The following EDNRA variants were observed in gnomAD, a reference collection of about 807,000 sequenced individuals.
EDNRA encodes endothelin receptor type A.
In EDNRA, 11 loss-of-function variants were observed where a neutral mutation model predicts 41.4. That is an observed-to-expected ratio of 0.27 (90% CI 0.17 to 0.44). EDNRA has a LOEUF of 0.44. Among genes scored for constraint, EDNRA ranks in the 20% least tolerant of loss-of-function variants. EDNRA has a pLI of 1.00. For synonymous variants in EDNRA, 172 were observed against 183.0 expected, an observed-to-expected ratio of 0.94 and a Z score of 0.49; for missense variants, 294 against 531.0, an observed-to-expected ratio of 0.55 and a Z score of 4.39.
At chr4:147,532,766 A>G (rs981227101) in intron 4 of EDNRA, 62 bp downstream of exon 4, 1 of 1,535,476 alleles carries the variant, frequency 6.5e-7, no homozygotes, top group Non-Finnish European at 9.0e-7. Context: ...AGACTTCACC[A>G]TCTTGAGACT....
chr4:147,501,015 A>G (rs1051399290), intron 2 of EDNRA, among the ~76,000 whole-genome samples: 4 of 152,190 alleles, frequency 2.6e-5, no homozygotes, highest in Admixed American at 2.6e-4. Context: ...CAGTATCTAC[A>G]CCAAAGCCCA....
intron 3 of EDNRA, among the ~76,000 whole-genome samples, chr4:147,523,865 T>C (rs1478160106): frequency 6.6e-6 from 1 of 152,182 alleles, no homozygotes; most frequent in African/African-American, 2.4e-5. Context: ...GAGGAAAGTA[T>C]GAAGAGGCAG....
intron 1 of EDNRA, among the ~76,000 whole-genome samples, 172 bp downstream of exon 1, chr4:147,481,548 G>C (rs35542356): frequency 2.0e-5 from 3 of 152,246 alleles, no homozygotes; most frequent in African/African-American, 7.2e-5. Flanking sequence ...ACTTGCCCCA[G>C]GGCGCGCGGG....
At position 147,519,916 on chromosome 4, in the gene EDNRA, C is replaced by T. The variant is rs1370741514; in HGVS notation, c.486C>T (p.Pro162=). 1.9e-6 allele frequency: 3 copies of T among 1,613,556 alleles called. No homozygotes were observed. The highest frequency in any genetic ancestry group is 2.7e-5 in the African/African-American group (2 of 74,992). ...DFGVFLCKLF[P]FLQKSSVGIT... is the part of the protein sequence containing the mutation. The stretch of plus-strand genomic sequence containing the variant: ...GCGTATTTCTTTGCAAGCTGTTCCC[C>T]TTTTTGCAGAAGTCCTCGGTGGGGA... The change falls in exon 3 of 8, where the codon CCC becomes CCT. Residue 162 remains proline, a synonymous_variant. Coordinates refer to ENST00000651419, the MANE Select transcript of EDNRA (RefSeq NM_001957.4). The surrounding 1 kb of genome is among the most constrained non-coding windows in gnomAD (Gnocchi z 4.1).
In EDNRA at chr4:147,524,319, G is replaced by A. The variant is rs114680206; in HGVS notation, c.548+4341G>A. Among the ~76,000 whole-genome samples the A allele has an allele frequency of 5.0e-3, 759 of 152,036 alleles. 8 individuals are homozygous for A. The highest frequency in any genetic ancestry group is 0.017 in the African/African-American group (713 of 41,470). ...CTTCAGTCATGCCCAGTGTTGAGTCGGGGAGATACTGGGAAAGTTAGGTCA... is the reference window on the plus strand; with the variant it reads ...CTTCAGTCATGCCCAGTGTTGAGTCAGGGAGATACTGGGAAAGTTAGGTCA... On this transcript the variant is annotated intron_variant, in intron 3 of 7. Transcript: ENST00000651419.
chr4:147,506,107 C>G, intron 2 of EDNRA: 1 of 524,250 alleles, frequency 1.9e-6, no homozygotes, highest in Non-Finnish European at 3.8e-6. Flanking sequence ...GAATATTTGT[C>G]ACAGCAATGA....
intron 5 of EDNRA, among the ~76,000 whole-genome samples, chr4:147,537,052 A>G (rs2126482505): frequency 6.6e-6 from 1 of 152,326 alleles, no homozygotes; most frequent in South Asian, 2.1e-4. Context: ...CCCTGTTGCA[A>G]CAGAAAAGTA....
At chr4:147,506,350 T>C (rs967570567) in intron 2 of EDNRA, 17 of 423,898 alleles carry the variant, frequency 4.0e-5, no homozygotes, top group East Asian at 1.2e-4. Flanking sequence ...TCGGAAGGAA[T>C]AGTGGTACAA....
At chr4:147,534,218 G>A (rs1037860331) in intron 4 of EDNRA, among the ~76,000 whole-genome samples, 27 of 152,116 alleles carry the variant, frequency 1.8e-4, no homozygotes, top group African/African-American at 5.1e-4. Flanking sequence ...AATGCACCCG[G>A]AAAAAGAGGA....
rs201316793 is a variant in EDNRA, at chr4:147,519,908, C to G, written c.478C>G (p.Leu160Val). Residue 160 changes from leucine to valine, a missense_variant, in exon 3 of 8, where the codon CTG becomes GTG. Leu to Val is a conservative substitution (Grantham distance 32). This residue lies in a region of EDNRA where 185 missense variants were observed against 390.8 expected (regional missense o/e 0.47). Coordinates refer to ENST00000651419, the MANE Select transcript of EDNRA (RefSeq NM_001957.4). The surrounding 1 kb of genome is among the most constrained non-coding windows in gnomAD (Gnocchi z 4.1). ...TGACTTTGGCGTATTTCTTTGCAAG[C>G]TGTTCCCCTTTTTGCAGAAGTCCTC... ...HNDFGVFLCK[L>V]FPFLQKSSVG... 6.2e-7 allele frequency: 1 copy of G among 1,613,644 alleles called. No homozygotes were observed. The highest frequency in any genetic ancestry group is 1.3e-5 in the African/African-American group (1 of 75,020).
intron 2 of EDNRA, chr4:147,490,874 T>C (rs909359058): frequency 3.3e-4 from 50 of 152,292 alleles, no homozygotes; most frequent in Middle Eastern, 3.4e-3. Context: ...TTTCCATATA[T>C]CACTGTACCT....
At chr4:147,530,707 T>A (rs1730711984) in intron 3 of EDNRA, among the ~76,000 whole-genome samples, 2 of 152,144 alleles carry the variant, frequency 1.3e-5, no homozygotes, top group African/African-American at 2.4e-5. Flanking sequence ...AGAGTTGTGT[T>A]TTCACAGATG....
intron 4 of EDNRA, among the ~76,000 whole-genome samples, chr4:147,533,207 G>C (rs917331364): frequency 1.3e-5 from 2 of 152,090 alleles, no homozygotes; most frequent in African/African-American, 4.8e-5. Flanking sequence ...ACTTATATTA[G>C]TACGGTTTCT....
chr4:147,518,608 G>T (rs979666518), intron 2 of EDNRA, among the ~76,000 whole-genome samples: 1 of 152,100 alleles, frequency 6.6e-6, no homozygotes, highest in African/African-American at 2.4e-5. Flanking sequence ...TTATCTACGG[G>T]GTACTGGTTT....
chr4:147,489,307 C>T (rs923080497), intron 2 of EDNRA: 1 of 152,128 alleles, frequency 6.6e-6, no homozygotes, highest in Non-Finnish European at 1.5e-5. Context: ...ATCATCCACT[C>T]TTAGTTGCTT....
chr4:147,508,750 A>G (rs1259381906), intron 2 of EDNRA, among the ~76,000 whole-genome samples: 6 of 152,200 alleles, frequency 3.9e-5, no homozygotes. Flanking sequence ...TTAAAACTCA[A>G]TTGACAATAA....
intron 4 of EDNRA, among the ~76,000 whole-genome samples, chr4:147,535,187 G>T (rs1730877789): frequency 5.3e-5 from 8 of 152,192 alleles, no homozygotes; most frequent in Admixed American, 5.2e-4. Context: ...TTAAGCAGAA[G>T]TAAAACCGAA....
intron 1 of EDNRA, among the ~76,000 whole-genome samples, chr4:147,482,334 G>A (rs1474372654): frequency 6.6e-6 from 1 of 152,202 alleles, no homozygotes; most frequent in Admixed American, 6.5e-5. Context: ...AAGTGTAAGC[G>A]TAAGGATTCA....
chr4:147,540,101 C>T (rs1007351755), intron 6 of EDNRA, 151 bp downstream of exon 6: 108 of 1,137,004 alleles, frequency 9.5e-5, no homozygotes, highest in Non-Finnish European at 1.2e-4. Context: ...TAGCCTATAA[C>T]TGATCCCAAA....
Sources: allele counts gnomAD v4.1 joint callset (sites outside exome capture counted in the v4.1 genomes callset), GRCh38; gene constraint gnomAD v4.1.1; regional missense constraint gnomAD v4.1.1; non-coding constraint Gnocchi (gnomAD v3.1); transcripts MANE v1.5; gene names NCBI Gene and HGNC (gene_info 2026-07-23, HGNC 2026-07-21).